Variants in SLC16A9 observed in about 807,000 individuals in gnomAD.
SLC16A9 encodes the protein solute carrier family 16 member 9, also known as monocarboxylate transporter 9.
A neutral mutation model predicts 44.3 loss-of-function variants in SLC16A9; 26 were observed. The observed-to-expected ratio is 0.59, with a 90% CI of 0.43 to 0.81. The LOEUF is 0.81. Ranked by LOEUF, SLC16A9 falls within the 40% of genes least tolerant of loss-of-function variation. SLC16A9 has a pLI of 0.00. For missense variants in SLC16A9, 559 were observed against 595.8 expected (o/e 0.94, Z 0.64); for synonymous variants, 230 against 225.1 (o/e 1.02, Z -0.19).
At chr10:59,671,384 A>G (rs1839746341) in intron 3 of SLC16A9, among the ~76,000 whole-genome samples, 1 of 152,222 alleles carries the variant, frequency 6.6e-6, no homozygotes, top group Non-Finnish European at 1.5e-5. Context: ...GAACTATGCC[A>G]TCTATTTAAG....
intron 1 of SLC16A9, among the ~76,000 whole-genome samples, chr10:59,698,768 A>C: frequency 1.4e-5 from 2 of 145,276 alleles, no homozygotes. Flanking sequence ...GCAGAGTTTC[A>C]CTCTTGTCAC....
At position 59,653,441 on chromosome 10, in the gene SLC16A9, A is replaced by AAAAAAAAAAAAAAAAAAAAAAAAAC. The variant is rs1564693235; in HGVS notation, c.1351+233_1351+234insGTTTTTTTTTTTTTTTTTTTTTTTT. 1.4e-5 allele frequency among the ~76,000 whole-genome samples: 2 copies of AAAAAAAAAAAAAAAAAAAAAAAAAC among 147,808 alleles called. 1 individual carries two copies. Among genetic ancestry groups the AAAAAAAAAAAAAAAAAAAAAAAAAC allele is most frequent in the Non-Finnish European group, 3.0e-5 (2 of 67,380 alleles). ...ACTCCGTCTCAAAAAAAAAAAAAAA[A>AAAAAAAAAAAAAAAAAAAAAAAAAC]AAAAGCAGGCATTTTGAGTTTCTCC... On this transcript the variant is annotated intron_variant, in intron 5 of 5. Coordinates refer to ENST00000395348, the MANE Select transcript of SLC16A9 (RefSeq NM_194298.3).
intron 1 of SLC16A9, among the ~76,000 whole-genome samples, chr10:59,695,968 GGCACATTTCTCTA>G (rs1840361674): frequency 6.6e-6 from 1 of 152,154 alleles, no homozygotes; most frequent in Non-Finnish European, 1.5e-5. Context: ...ACAGGAAGAA[GGCACATTTCTCTA>G]GCATCTGGTT....
At position 59,652,319 on chromosome 10, in the gene SLC16A9, C is replaced by T. The variant is rs1031511683; in HGVS notation, c.*453G>A. 1 of 152,304 alleles carries T rather than the reference C, an allele frequency of 6.6e-6. No homozygotes were observed. Among genetic ancestry groups the T allele is most frequent in the Admixed American group, 6.5e-5 (1 of 15,276 alleles). 9.4% of individuals were successfully genotyped at this position (152,304 alleles called of 1,614,324 possible). A position where few individuals can be genotyped will look rare whatever the true frequency, so the allele number is the denominator to read the frequency against. On this transcript the variant is annotated 3_prime_UTR_variant, in exon 6 of 6. Coordinates refer to ENST00000395348, the MANE Select transcript of SLC16A9 (RefSeq NM_194298.3). ...TGAAGTCTTCTGTTTACTAGCAAGTCAAACATAGAGAAGAGAATGATTTAT... is the reference window on the plus strand; with the variant it reads ...TGAAGTCTTCTGTTTACTAGCAAGTTAAACATAGAGAAGAGAATGATTTAT...
chr10:59,670,894 G>T (rs1336088331), intron 3 of SLC16A9, among the ~76,000 whole-genome samples: 1 of 152,110 alleles, frequency 6.6e-6, no homozygotes, highest in African/African-American at 2.4e-5. Context: ...AATCAACCAT[G>T]GTGGTAAATA....
intron 1 of SLC16A9, among the ~76,000 whole-genome samples, chr10:59,692,510 A>T (rs1031086360): frequency 6.6e-6 from 1 of 152,234 alleles, no homozygotes; most frequent in Non-Finnish European, 1.5e-5. Flanking sequence ...GAACATGCTA[A>T]AAATCACTGA....
intron 1 of SLC16A9, among the ~76,000 whole-genome samples, chr10:59,704,710 C>T (rs1840601169): frequency 6.6e-6 from 1 of 152,228 alleles, no homozygotes; most frequent in African/African-American, 2.4e-5. Context: ...CTGCCAGGCT[C>T]TCATTTCAGC....
Position 59,658,959 on chromosome 10 carries a change from T to C in SLC16A9, c.437-4370A>G, listed in dbSNP as rs191422876. ...CTTCAGGCTATCTAAAAGCCTGACC[T>C]TCCAGGGTTACCCACCTACCAGCAA... On this transcript the variant is annotated intron_variant, in intron 4 of 5. Coordinates refer to ENST00000395348, the MANE Select transcript of SLC16A9 (RefSeq NM_194298.3). Among the ~76,000 whole-genome samples the C allele has an allele frequency of 5.3e-4, 81 of 152,310 alleles. 2 individuals are homozygous for C. The highest frequency in any genetic ancestry group is 1.9e-3 in the African/African-American group (79 of 41,566).
rs1420373710 is a variant in SLC16A9 at position 59,664,286 on chromosome 10, G to A, written c.377C>T (p.Thr126Ile). The A allele has an allele frequency of 6.2e-7, 1 of 1,612,494 alleles. No individual in the cohort carries two copies. The highest frequency in any genetic ancestry group is 1.1e-5 in the South Asian group (1 of 90,926). ...ATCGTCAAAATACTGGCACGTAATG[G>A]TCACTGTTGCAGTGTATAATAAACC... ...GCGLLYTATV[T>I]ITCQYFDDRR... The change falls in exon 4 of 6, where the codon ACC becomes ATC. Residue 126 changes from threonine (T) to isoleucine (I), a missense_variant. Coordinates refer to ENST00000395348, the MANE Select transcript of SLC16A9 (RefSeq NM_194298.3).
chr10:59,672,400 T>C (rs543354646), intron 3 of SLC16A9, among the ~76,000 whole-genome samples: 2 of 152,294 alleles, frequency 1.3e-5, no homozygotes, highest in South Asian at 4.1e-4. Flanking sequence ...CAAAGAATCA[T>C]GCTTGACTGC....
At chr10:59,706,159 T>A (rs1840631184) in intron 1 of SLC16A9, among the ~76,000 whole-genome samples, 1 of 151,826 alleles carries the variant, frequency 6.6e-6, no homozygotes, top group Non-Finnish European at 1.5e-5. Flanking sequence ...ACACTATTGA[T>A]GTTCTACCCT....
chr10:59,662,646 A>AAAAAAGG (rs1839506509), intron 4 of SLC16A9, among the ~76,000 whole-genome samples: 3 of 147,868 alleles, frequency 2.0e-5, no homozygotes, highest in African/African-American at 7.6e-5. Flanking sequence ...AAAAAAAAAA[A>AAAAAAGG]AAAAAAAGAA....
rs145767510 is a variant in SLC16A9, at chr10:59,652,799, G to T, written c.1503C>A (p.Phe501Leu). 3 of 1,612,216 alleles carry T rather than the reference G, an allele frequency of 1.9e-6. 1 individual carries two copies. Among genetic ancestry groups the T allele is most frequent in the South Asian group, 2.2e-5 (2 of 90,482 alleles). The change falls in exon 6 of 6, where the codon TTC becomes TTA. Residue 501 changes from phenylalanine (F) to leucine (L), a missense_variant. Coordinates refer to ENST00000395348, the MANE Select transcript of SLC16A9 (RefSeq NM_194298.3). Reference protein sequence around the residue: ...KQLPKPAPTTFLYKVASNV With the variant: ...KQLPKPAPTTLLYKVASNV ...AAACATTAGAGGCAACTTTGTACAA[G>T]AAAGTTGTTGGAGCTGGCTTGGGGA... is the stretch of plus-strand genomic sequence containing the variant.
At position 59,653,752 on chromosome 10, in the gene SLC16A9, A is replaced by G. The variant is rs776896981; in HGVS notation, c.1274T>C (p.Ile425Thr). Residue 425 changes from isoleucine to threonine, a missense_variant, in exon 5 of 6, where the codon ATT becomes ACT. By Grantham distance (89) the Ile-to-Thr change is moderately conservative. Transcript: ENST00000395348. ...CCCATAGGCATGGGCTAATTTTTCAATTCCCACAGTCTTCGTGGTCACATA... is the reference window on the plus strand; with the variant it reads ...CCCATAGGCATGGGCTAATTTTTCAGTTCCCACAGTCTTCGTGGTCACATA... ...FPYVTTKTVG[I>T]EKLAHAYGIL... 5.0e-6 allele frequency: 8 copies of G among 1,613,994 alleles called. No homozygotes were observed. The highest frequency in any genetic ancestry group is 4.5e-5 in the East Asian group (2 of 44,874).
chr10:59,663,458 G>A (rs1039114386), intron 4 of SLC16A9, among the ~76,000 whole-genome samples: 7 of 152,224 alleles, frequency 4.6e-5, no homozygotes, highest in East Asian at 1.9e-4. Flanking sequence ...GTCCTTTGCC[G>A]GGATATGAGT....
chr10:59,668,107 A>G (rs1839663649), intron 3 of SLC16A9, among the ~76,000 whole-genome samples: 1 of 151,742 alleles, frequency 6.6e-6, no homozygotes, highest in African/African-American at 2.4e-5. Flanking sequence ...GCCTCCTAAT[A>G]GCTGTCTCAG....
Position 59,653,807 on chromosome 10 carries a change from A to C in SLC16A9, c.1219T>G (p.Phe407Val). 6.2e-7 allele frequency: 1 copy of C among 1,614,138 alleles called. No individual in the cohort carries two copies. Among genetic ancestry groups the C allele is most frequent in the Non-Finnish European group, 8.5e-7 (1 of 1,180,026 alleles). Reference protein sequence around the residue: ...TLALLSGILGFLTGNWSIFPY... With the variant: ...TLALLSGILGVLTGNWSIFPY... Reference sequence around the variant, plus strand: ...AAGATGGACCAATTACCAGTAAGAAACCCTAGGATCCCAGAAAGCAACGCC... The same window carrying C: ...AAGATGGACCAATTACCAGTAAGAACCCCTAGGATCCCAGAAAGCAACGCC... The change falls in exon 5 of 6, where the codon TTT (phenylalanine) becomes GTT (valine). Residue 407 changes from phenylalanine (F) to valine (V), a missense_variant. Physicochemically the swap from Phe to Val is conservative, Grantham distance 50. Transcript: ENST00000395348.
chr10:59,653,644 A>C (rs777001915), intron 5 of SLC16A9, 31 bp downstream of exon 5: 2 of 1,574,880 alleles, frequency 1.3e-6, no homozygotes, highest in African/African-American at 1.4e-5. Context: ...AAGAACAGTA[A>C]AATGGGATGA....
At chr10:59,683,165 C>T (rs546941940) in intron 2 of SLC16A9, among the ~76,000 whole-genome samples, 38 of 152,262 alleles carry the variant, frequency 2.5e-4, no homozygotes, top group African/African-American at 8.4e-4. Flanking sequence ...TTGTGATTTG[C>T]TCAATGAATA....
Sources: gnomAD v4.1 joint callset for allele counts (sites outside exome capture counted in the v4.1 genomes callset) on GRCh38, gnomAD v4.1.1 for gene constraint, MANE v1.5 for transcripts, NCBI Gene and HGNC (gene_info 2026-07-23, HGNC 2026-07-21) for gene names.